ARVCF: variants seen among roughly 807,000 people sequenced by gnomAD.
The protein encoded by ARVCF is splicing regulator ARVCF.
Under a neutral mutation model 90.9 loss-of-function variants are expected in ARVCF, and 66 were observed. The observed-to-expected ratio is 0.73, with a 90% CI of 0.60 to 0.89. ARVCF has a LOEUF of 0.89. ARVCF is among the 40% of genes least tolerant of loss of function. The probability of loss-of-function intolerance (pLI) is 0.00; values close to 1 mark genes in which losing one functional copy is unlikely to be tolerated. For synonymous variants in ARVCF, 653 were observed against 603.4 expected (o/e 1.08, Z -1.21); for missense variants, 1,469 against 1,382.3 (o/e 1.06, Z -1.00).
chr22:20,011,259 A>G (rs1414930434), intron 1 of ARVCF, among the ~76,000 whole-genome samples: 4 of 152,074 alleles, frequency 2.6e-5, no homozygotes, highest in African/African-American at 9.7e-5. Flanking sequence ...CCCTCTCCTT[A>G]TATCTAGGCC....
chr22:20,007,900 A>G (rs955517779), intron 2 of ARVCF, among the ~76,000 whole-genome samples: 4 of 152,254 alleles, frequency 2.6e-5, no homozygotes, highest in Non-Finnish European at 4.4e-5. Context: ...GACAGATTAA[A>G]TGCTGTGTAC....
At chr22:19,971,591 T>C (rs528785849) in intron 18 of ARVCF, among the ~76,000 whole-genome samples, 1 of 152,292 alleles carries the variant, frequency 6.6e-6, no homozygotes, top group East Asian at 1.9e-4. Flanking sequence ...CCATCGCTGG[T>C]GGACCCTGGT....
At chr22:19,980,711 A>G in intron 5 of ARVCF, 1 of 184,308 alleles carries the variant, frequency 5.4e-6, no homozygotes, top group Non-Finnish European at 1.1e-5. Flanking sequence ...AGGAGTATTC[A>G]GGCCACCAGC....
chr22:19,980,868 A>T (rs1943452640), intron 5 of ARVCF: 1 of 286,076 alleles, frequency 3.5e-6, no homozygotes, highest in South Asian at 1.1e-4. Context: ...TCACATCCCC[A>T]CTCCAGAGAT....
At chr22:19,978,167 T>C in intron 7 of ARVCF, 92 bp from the exon 8 acceptor site, 3 of 1,135,338 alleles carry the variant, frequency 2.6e-6, no homozygotes, top group Non-Finnish European at 2.5e-6. Context: ...ATCTGCAAAA[T>C]AGGCCCTGCT....
chr22:19,988,606 C>G (rs562892760), intron 3 of ARVCF, among the ~76,000 whole-genome samples: 43 of 152,348 alleles, frequency 2.8e-4, no homozygotes, highest in African/African-American at 1.0e-3. Context: ...AGCACTCCCC[C>G]TAGCCTGGTT....
chr22:19,995,068 G>A (rs1944193995), intron 2 of ARVCF, among the ~76,000 whole-genome samples: 2 of 151,784 alleles, frequency 1.3e-5, no homozygotes, highest in Non-Finnish European at 2.9e-5. Context: ...TGAATGGATG[G>A]ATGAGTAATA....
chr22:19,995,974 G>A (rs1951434229), intron 2 of ARVCF, among the ~76,000 whole-genome samples: 1 of 152,182 alleles, frequency 6.6e-6, no homozygotes, highest in African/African-American at 2.4e-5. Context: ...AGACTTCCTC[G>A]TCCCCCTAGC....
At position 19,981,648 on chromosome 22, in the gene ARVCF, G is replaced by A. The variant is rs1397237995; in HGVS notation, c.459C>T (p.Pro153=). ...CACCATCTGCAAAAGGGCCTAGTGG[G>A]GGGCCGCCATCCAGCAGGGGGAGTC... is the stretch of plus-strand genomic sequence containing the variant. ...PDGLPLLDGG[P]PLGPFADGAL... is the part of the protein sequence containing the mutation. The change falls in exon 5 of 20, where the codon CCC becomes CCT. Residue 153 remains proline (P), a synonymous_variant. Transcript: ENST00000263207. 2 of 1,609,818 alleles carry A rather than the reference G, an allele frequency of 1.2e-6. No individual in the cohort carries two copies. The highest frequency in any genetic ancestry group is 1.7e-6 in the Non-Finnish European group (2 of 1,179,494).
chr22:19,979,089 T>C lies in ARVCF; in HGVS notation c.1397-9A>G. On this transcript the variant is annotated splice_polypyrimidine_tract_variant and intron_variant, in intron 6 of 19. Transcript: ENST00000263207. The stretch of plus-strand genomic sequence containing the variant: ...CAGGTTCCACAGGGTGCCTGTGGGG[T>C]GCGATTGGCCAATCTGTGCTGACCA... 6.2e-7 allele frequency: 1 copy of C among 1,609,498 alleles called. No homozygotes were observed. The highest frequency in any genetic ancestry group is 1.7e-5 in the Admixed American group (1 of 59,862).
intron 2 of ARVCF, among the ~76,000 whole-genome samples, chr22:20,006,666 C>T (rs751212751): frequency 5.0e-4 from 75 of 150,784 alleles, no homozygotes; most frequent in Non-Finnish European, 9.6e-4. Context: ...GGAGTCTTGC[C>T]CTGTCGCCAG....
At chr22:19,982,827 G>A (rs1051432930) in intron 3 of ARVCF, among the ~76,000 whole-genome samples, 4 of 152,240 alleles carry the variant, frequency 2.6e-5, no homozygotes, top group Non-Finnish European at 4.4e-5. Flanking sequence ...GAGACTCTGG[G>A]CATCATATCA....
In ARVCF at chr22:19,976,643, C is replaced by T. The variant is rs778717799; in HGVS notation, c.1888+63G>A. ...CAGGGCCCTGGGGCTGGAACGTGCTCGCCTCTTCCCAGGTACCCACTGCAC... is the reference window on the plus strand; with the variant it reads ...CAGGGCCCTGGGGCTGGAACGTGCTTGCCTCTTCCCAGGTACCCACTGCAC... On this transcript the variant is annotated intron_variant, in intron 10 of 19. Coordinates refer to ENST00000263207, the MANE Select transcript of ARVCF (RefSeq NM_001670.3). The T allele has an allele frequency of 1.1e-4, 169 of 1,542,528 alleles. 1 individual carries two copies. The highest frequency in any genetic ancestry group is 1.2e-4 in the Non-Finnish European group (139 of 1,140,592).
chr22:19,973,046 C>G lies in ARVCF; in HGVS notation c.2439-10G>C, dbSNP rs756593292. 1.3e-5 allele frequency: 21 copies of G among 1,611,776 alleles called. No individual in the cohort carries two copies. Among genetic ancestry groups the G allele is most frequent in the Non-Finnish European group, 1.8e-5 (21 of 1,179,652 alleles). On this transcript the variant is annotated splice_polypyrimidine_tract_variant and intron_variant, in intron 14 of 19. Coordinates refer to ENST00000263207, the MANE Select transcript of ARVCF (RefSeq NM_001670.3). ...TTCGCGTACCGATTGGCTGTGGGGC[C>G]GGGGGCGGGGTCAGTGGTGGCCCCT...
chr22:20,005,193 CA>C lies in ARVCF; in HGVS notation c.-19+5261del, dbSNP rs1157638169. 3.9e-5 allele frequency among the ~76,000 whole-genome samples: 6 copies of C among 151,900 alleles called. No individual in the cohort carries two copies. In the East Asian group the frequency reaches 1.2e-3, roughly 29 times the overall value. On this transcript the variant is annotated intron_variant, in intron 2 of 19. Coordinates refer to ENST00000263207, the MANE Select transcript of ARVCF (RefSeq NM_001670.3). The stretch of plus-strand genomic sequence containing the variant: ...AAGAACTCCCAAAACTTAACAACAG[CA>C]AAAAAACACAAATAACCCAATTTAA...
downstream of ARVCF, chr22:19,968,431 A>T: frequency 9.0e-7 from 1 of 1,114,792 alleles, no homozygotes; most frequent in South Asian, 1.3e-5. Flanking sequence ...GGGGCTAGGC[A>T]CAGGCGTGGT....
chr22:19,987,403 C>T (rs1943855654), intron 3 of ARVCF, among the ~76,000 whole-genome samples: 1 of 150,064 alleles, frequency 6.7e-6, no homozygotes, highest in South Asian at 2.1e-4. Context: ...TCCCCCCACC[C>T]ACTGCCGGCC....
At chr22:19,980,485 A>C (rs922387402) in intron 5 of ARVCF, 24 of 498,224 alleles carry the variant, frequency 4.8e-5, no homozygotes, top group African/African-American at 4.8e-4. Flanking sequence ...CAACCCTCCC[A>C]GGACAGCAAA....
At chr22:19,987,110 G>A (rs775266970) in intron 3 of ARVCF, 2 of 557,300 alleles carry the variant, frequency 3.6e-6, no homozygotes, top group Admixed American at 3.2e-5. Context: ...GGGACTCGGG[G>A]GGCGCTGGCC....
Sources: allele counts gnomAD v4.1 joint callset (sites outside exome capture counted in the v4.1 genomes callset), GRCh38; gene constraint gnomAD v4.1.1; transcripts MANE v1.5; gene names NCBI Gene and HGNC (gene_info 2026-07-23, HGNC 2026-07-21).